Variants in KDM1A observed in about 807,000 individuals in gnomAD.
KDM1A encodes the protein lysine-specific histone demethylase 1A.
A neutral mutation model predicts 109.4 loss-of-function variants in KDM1A; 49 were observed. The observed-to-expected ratio is 0.45, with a 90% confidence interval of 0.36 to 0.57. The LOEUF (loss-of-function observed/expected upper bound fraction) is 0.57, where lower values mean the gene tolerates loss of function less well. KDM1A is among the 20% of genes least tolerant of loss of function. The probability of loss-of-function intolerance (pLI) is 0.00; values close to 1 mark genes in which losing one functional copy is unlikely to be tolerated. For missense variants in KDM1A, 668 were observed against 1,116.6 expected (o/e 0.60, Z 5.73); for synonymous variants, 380 against 415.4 (o/e 0.91, Z 1.04).
chr1:23,077,451 A>G (rs1427997122), intron 16 of KDM1A, 91 bp downstream of exon 16: 11 of 1,369,540 alleles, frequency 8.0e-6, no homozygotes, highest in South Asian at 1.5e-5. Flanking sequence ...ACATTTCCTG[A>G]TAGAGTGTTT....
chr1:23,081,219 G>C lies in KDM1A; in HGVS notation c.2171-227G>C, dbSNP rs2072943. Reference sequence around the variant, plus strand: ...CCAGGTTAGAAGCAGTGAGGTGCCTGAGAATCTTACTTCACTCTAGTCTGC... The same window carrying C: ...CCAGGTTAGAAGCAGTGAGGTGCCTCAGAATCTTACTTCACTCTAGTCTGC... On this transcript the variant is annotated intron_variant, in intron 18 of 20. Transcript: ENST00000400181. The C allele has an allele frequency of 0.78, 372,596 of 478,760 alleles. 147,803 individuals carry two copies. The highest frequency in any genetic ancestry group is 0.84 in the Non-Finnish European group (225,392 of 269,838). The allele number at this position is 478,760 out of a possible 1,614,324, so 29.7% of individuals were successfully genotyped here.
intron 18 of KDM1A, 43 bp from the exon 19 acceptor site, chr1:23,081,403 A>G (rs1462713820): frequency 1.2e-6 from 2 of 1,605,514 alleles, no homozygotes; most frequent in South Asian, 2.2e-5. Context: ...TTTTGAGGAA[A>G]GTCTGTAGGA....
At chr1:23,052,199 T>C (rs1642694034) in intron 4 of KDM1A, among the ~76,000 whole-genome samples, 1 of 152,264 alleles carries the variant, frequency 6.6e-6, no homozygotes, top group East Asian at 1.9e-4. Flanking sequence ...GGTCTCTGGC[T>C]GTGAAACAGA....
chr1:23,066,031 AT>A, intron 9 of KDM1A, 28 bp from the exon 10 acceptor site: 2 of 1,605,548 alleles, frequency 1.2e-6, no homozygotes. Flanking sequence ...TTTACAGTTT[AT>A]TTCTCTCTCT....
intron 16 of KDM1A, 140 bp from the exon 17 acceptor site, chr1:23,078,850 C>T (rs1643539658): frequency 2.5e-6 from 2 of 797,690 alleles, no homozygotes; most frequent in South Asian, 1.8e-5. Context: ...CCTCAGTTTT[C>T]TTATGTGAAA....
intron 1 of KDM1A, among the ~76,000 whole-genome samples, chr1:23,029,459 G>T (rs591764): frequency 0.013 from 1,914 of 151,896 alleles, 53 homozygotes; most frequent in African/African-American, 0.044. Flanking sequence ...ACACATTTTG[G>T]CTAACCAATC....
intron 4 of KDM1A, among the ~76,000 whole-genome samples, chr1:23,051,578 T>C (rs1317658656): frequency 1.3e-5 from 2 of 152,224 alleles, no homozygotes; most frequent in African/African-American, 4.8e-5. Flanking sequence ...CTTTTCACAT[T>C]AGTCATTTGT....
intron 2 of KDM1A, among the ~76,000 whole-genome samples, chr1:23,041,630 A>T (rs1191371229): frequency 1.3e-5 from 2 of 150,926 alleles, no homozygotes; most frequent in African/African-American, 2.4e-5. Context: ...TTTAGTAGAG[A>T]CAGCGTTTCA....
chr1:23,065,190 T>C (rs979892885), intron 9 of KDM1A, among the ~76,000 whole-genome samples: 2 of 152,194 alleles, frequency 1.3e-5, no homozygotes, highest in African/African-American at 4.8e-5. Flanking sequence ...TTCCATTTTG[T>C]TGTTATTGTT....
At chr1:23,078,861 C>A in intron 16 of KDM1A, 129 bp from the exon 17 acceptor site, 1 of 854,774 alleles carries the variant, frequency 1.2e-6, no homozygotes, top group South Asian at 1.7e-5. Flanking sequence ...TTATGTGAAA[C>A]ATGAAGGTAA....
chr1:23,020,667 A>G (rs1440779497), intron 1 of KDM1A: 1 of 152,186 alleles, frequency 6.6e-6, no homozygotes, highest in East Asian at 1.9e-4. Context: ...CCTAGATGCT[A>G]TATTCAGCGT....
At chr1:23,069,390 C>A (rs1643253499) in intron 12 of KDM1A, among the ~76,000 whole-genome samples, 2 of 152,096 alleles carry the variant, frequency 1.3e-5, no homozygotes, top group African/African-American at 4.8e-5. Context: ...TTGTCTGGTT[C>A]CCTTTGGCTC....
intron 8 of KDM1A, 80 bp downstream of exon 8, chr1:23,057,645 A>T (rs1218417070): frequency 9.6e-7 from 1 of 1,043,220 alleles, no homozygotes; most frequent in Non-Finnish European, 1.5e-6. Flanking sequence ...ATGCTATTTT[A>T]AAATGTATTG....
Position 23,055,055 on chromosome 1 carries a change from C to T in KDM1A, c.791-14C>T. The T allele has an allele frequency of 1.3e-6, 2 of 1,522,048 alleles. No individual in the cohort carries two copies. Among genetic ancestry groups the T allele is most frequent in the South Asian group, 1.2e-5 (1 of 84,480 alleles). 94.3% of individuals were successfully genotyped at this position (1,522,048 alleles called of 1,614,324 possible). A position where few individuals can be genotyped will look rare whatever the true frequency, so the allele number is the denominator to read the frequency against. On this transcript the variant is annotated splice_polypyrimidine_tract_variant and intron_variant, in intron 5 of 20. Coordinates refer to ENST00000400181, the MANE Select transcript of KDM1A (RefSeq NM_001009999.3). ...TGAAAATAAAACCGTGTTTTTAATC[C>T]ACTTATTCTGTAGGTGATACTGTGC...
chr1:23,065,062 C>T (rs1643123303), intron 9 of KDM1A, among the ~76,000 whole-genome samples: 1 of 152,190 alleles, frequency 6.6e-6, no homozygotes, highest in Admixed American at 6.5e-5. Context: ...GTACTTAAAA[C>T]CCATTGTAAT....
At chr1:23,026,839 T>G (rs896119260) in intron 1 of KDM1A, among the ~76,000 whole-genome samples, 13 of 152,214 alleles carry the variant, frequency 8.5e-5, no homozygotes, top group Non-Finnish European at 1.8e-4. Context: ...ACTCATAGTC[T>G]GCCTGTTGGG....
Position 23,019,508 on chromosome 1 carries a change from G to C in KDM1A, c.-89G>C, listed in dbSNP as rs758326780. Reference sequence around the variant, plus strand: ...GACGGCGGTTGGCGGCGCGCGGGCAGCGTGAAGCGAGGCGAGGCAAGGCTT... The same window carrying C: ...GACGGCGGTTGGCGGCGCGCGGGCACCGTGAAGCGAGGCGAGGCAAGGCTT... On this transcript the variant is annotated 5_prime_UTR_variant, in exon 1 of 21. Transcript: ENST00000400181. The C allele has an allele frequency of 3.1e-6, 4 of 1,308,552 alleles. No individual in the cohort carries two copies. The highest frequency in any genetic ancestry group is 2.9e-5 in the East Asian group (1 of 34,748). 81.1% of individuals were successfully genotyped at this position (1,308,552 alleles called of 1,614,324 possible). A position where few individuals can be genotyped will look rare whatever the true frequency, so the allele number is the denominator to read the frequency against.
chr1:23,055,111 G>T lies in KDM1A; in HGVS notation c.833G>T (p.Arg278Leu). 1.9e-6 allele frequency: 3 copies of T among 1,612,346 alleles called. No homozygotes were observed. Among genetic ancestry groups the T allele is most frequent in the Non-Finnish European group, 1.7e-6 (2 of 1,179,440 alleles). ...LVHRVHSYLE[R>L]HGLINFGIYK... The stretch of plus-strand genomic sequence containing the variant: ...CACCGAGTTCACAGTTATTTAGAGC[G>T]TCATGGTCTTATCAACTTCGGCATC... The change falls in exon 6 of 21, where the codon CGT (arginine) becomes CTT (leucine). Residue 278 changes from arginine (R) to leucine (L), a missense_variant. By Grantham distance (102) the Arg-to-Leu change is moderately radical. Around this residue, in one of 8 missense-constraint regions of KDM1A, gnomAD observed 149 missense variants for 189.7 expected, o/e 0.79. Transcript: ENST00000400181.
Position 23,072,133 on chromosome 1 carries a change from G to A in KDM1A, c.1558G>A (p.Glu520Lys). The change falls in exon 14 of 21, where the codon GAA becomes AAA. Residue 520 changes from glutamate to lysine, a missense_variant. Glu to Lys is a moderately conservative substitution (Grantham distance 56). This residue lies in a region of KDM1A where 162 missense variants were observed against 376.4 expected (regional missense o/e 0.43). Coordinates refer to ENST00000400181, the MANE Select transcript of KDM1A (RefSeq NM_001009999.3). ...ACTTAATTTTTATCAGGAATATGAT[G>A]AATTAGCTGAAACACAAGGAAAGCT... ...DLTALCKEYD[E>K]LAETQGKLEE... 1.9e-6 allele frequency: 3 copies of A among 1,606,962 alleles called. No individual in the cohort carries two copies. The highest frequency in any genetic ancestry group is 1.1e-5 in the South Asian group (1 of 89,928).
Sources: allele counts gnomAD v4.1 joint callset (sites outside exome capture counted in the v4.1 genomes callset), GRCh38; gene constraint gnomAD v4.1.1; regional missense constraint gnomAD v4.1.1; transcripts MANE v1.5; gene names NCBI Gene and HGNC (gene_info 2026-07-23, HGNC 2026-07-21).